The following VPS13B variants were observed in gnomAD, a reference collection of about 807,000 sequenced individuals.
The protein encoded by VPS13B is intermembrane lipid transfer protein VPS13B.
A neutral mutation model predicts 426.4 loss-of-function variants in VPS13B; 285 were observed. That is an observed-to-expected ratio of 0.67 (90% CI 0.61 to 0.74). The LOEUF (loss-of-function observed/expected upper bound fraction) is 0.74. Among genes scored for constraint, VPS13B ranks in the 30% least tolerant of loss-of-function variants. The probability of loss-of-function intolerance (pLI) is 0.00; values close to 1 mark genes in which losing one functional copy is unlikely to be tolerated. For missense variants in VPS13B, 4,537 were observed against 4,782.6 expected (o/e 0.95, Z 1.51); for synonymous variants, 1,676 against 1,676.4 (o/e 1.00, Z 0.01).
At chr8:99,590,368 C>T (rs897355374) in intron 33 of VPS13B, among the ~76,000 whole-genome samples, 15 of 151,978 alleles carry the variant, frequency 9.9e-5, no homozygotes, top group Admixed American at 5.2e-4. Flanking sequence ...TGTTTCTTGC[C>T]TTCTGGTAGC....
chr8:99,268,675 A>C (rs1588192099), intron 17 of VPS13B, among the ~76,000 whole-genome samples: 1 of 151,968 alleles, frequency 6.6e-6, no homozygotes, highest in Non-Finnish European at 1.5e-5. Flanking sequence ...AGGCAGGAGG[A>C]ACTTGCTTTG....
At chr8:99,794,206 C>T (rs889175311) in intron 43 of VPS13B, among the ~76,000 whole-genome samples, 2 of 152,090 alleles carry the variant, frequency 1.3e-5, no homozygotes, top group East Asian at 1.9e-4. Context: ...TAAGCAAATT[C>T]GATGTAAGAG....
intron 19 of VPS13B, among the ~76,000 whole-genome samples, chr8:99,368,558 TTC>T (rs1393453011): frequency 6.6e-6 from 1 of 152,192 alleles, no homozygotes; most frequent in Non-Finnish European, 1.5e-5. Context: ...AGAATATTAT[TTC>T]TGTCTCTAAA....
At chr8:99,177,569 T>C (rs1812704737) in intron 16 of VPS13B, among the ~76,000 whole-genome samples, 1 of 151,644 alleles carries the variant, frequency 6.6e-6, no homozygotes, top group South Asian at 2.1e-4. Context: ...AGCAAGAGAG[T>C]GTTGGTCCAA....
chr8:99,154,187 G>A (rs1240803993), intron 14 of VPS13B, among the ~76,000 whole-genome samples: 1 of 147,832 alleles, frequency 6.8e-6, no homozygotes, highest in Non-Finnish European at 1.5e-5. Context: ...TATCCTGCTT[G>A]GTGTTCTCTG....
At chr8:99,659,050 A>T (rs1830124634) in intron 34 of VPS13B, among the ~76,000 whole-genome samples, 1 of 152,110 alleles carries the variant, frequency 6.6e-6, no homozygotes, top group Admixed American at 6.5e-5. Flanking sequence ...ACCCAGGCTG[A>T]TCTCAAACTC....
Position 99,641,971 on chromosome 8 carries a change from T to C in VPS13B, c.5381T>C (p.Ile1794Thr). Residue 1794 changes from isoleucine to threonine, a missense_variant, in exon 34 of 62, where the codon ATT (isoleucine) becomes ACT (threonine). By Grantham distance (89) the Ile-to-Thr change is moderately conservative. Coordinates refer to ENST00000357162, the MANE Select transcript of VPS13B (RefSeq NM_152564.5). ...CACAGTGGTGCCAGTCAGCATCGCA[T>C]TGCCCGTCCCTCACGCCAGTCATCA... Reference protein sequence around the residue: ...EQHSGASQHRIARPSRQSSIV... With the variant: ...EQHSGASQHRTARPSRQSSIV... 3.7e-6 allele frequency: 6 copies of C among 1,614,154 alleles called. No homozygotes were observed. Among genetic ancestry groups the C allele is most frequent in the South Asian group, 1.1e-5 (1 of 91,080 alleles).
chr8:99,520,029 C>T (rs1218725941), intron 29 of VPS13B, among the ~76,000 whole-genome samples: 1 of 152,042 alleles, frequency 6.6e-6, no homozygotes, highest in East Asian at 1.9e-4. Context: ...ACATTGAATT[C>T]ACTGTTGAGT....
intron 17 of VPS13B, among the ~76,000 whole-genome samples, chr8:99,214,605 T>C (rs531544943): frequency 1.1e-4 from 16 of 152,194 alleles, no homozygotes; most frequent in Non-Finnish European, 1.8e-4. Flanking sequence ...TTATATTAAT[T>C]GATACTTTTT....
chr8:99,151,477 A>T (rs1177717212), intron 14 of VPS13B, among the ~76,000 whole-genome samples: 1 of 151,852 alleles, frequency 6.6e-6, no homozygotes, highest in Non-Finnish European at 1.5e-5. Flanking sequence ...ATCCTTTACG[A>T]ATTGGTCCAT....
At chr8:99,756,678 C>A (rs372905697) in intron 39 of VPS13B, among the ~76,000 whole-genome samples, 4 of 152,276 alleles carry the variant, frequency 2.6e-5, no homozygotes, top group African/African-American at 9.6e-5. Context: ...AGTGAGATGA[C>A]ATATTCAAAG....
At chr8:99,016,576 T>C (rs1841627923) in intron 2 of VPS13B, among the ~76,000 whole-genome samples, 1 of 149,686 alleles carries the variant, frequency 6.7e-6, no homozygotes, top group Non-Finnish European at 1.5e-5. Context: ...CTTATTGATA[T>C]ATAGGAATTC....
At chr8:99,739,044 C>T (rs991815597) in intron 39 of VPS13B, among the ~76,000 whole-genome samples, 14 of 152,314 alleles carry the variant, frequency 9.2e-5, no homozygotes, top group East Asian at 7.7e-4. Flanking sequence ...ACCCAGGAAG[C>T]GCAAGGGGTC....
chr8:99,635,798 T>C (rs1322601170), intron 33 of VPS13B, among the ~76,000 whole-genome samples: 3 of 152,020 alleles, frequency 2.0e-5, no homozygotes. Flanking sequence ...GAAGAACATC[T>C]AATTAATATA....
chr8:99,101,194 C>T (rs868101246), intron 4 of VPS13B, among the ~76,000 whole-genome samples: 4 of 152,138 alleles, frequency 2.6e-5, no homozygotes, highest in African/African-American at 4.8e-5. Context: ...TGCAGTGGCA[C>T]GATCCCGGCT....
rs540573002 is a variant in VPS13B, at chr8:99,206,338, C to T, written c.2515+13281C>T. On this transcript the variant is annotated intron_variant, in intron 17 of 61. Transcript: ENST00000357162. ...AATGTTAAAATAAAAATCTACTTTC[C>T]AGAAAGTAACTGTTAAAGTATTTTA... Among the ~76,000 whole-genome samples, 5 of 152,208 alleles carry T rather than the reference C, an allele frequency of 3.3e-5. No homozygotes were observed. In the East Asian group the frequency reaches 9.6e-4, roughly 29 times the overall value.
intron 16 of VPS13B, among the ~76,000 whole-genome samples, chr8:99,186,518 A>G (rs957898582): frequency 3.3e-5 from 5 of 152,114 alleles, no homozygotes; most frequent in Non-Finnish European, 5.9e-5. Context: ...CCAGTTACAA[A>G]TATTTCAAAA....
intron 33 of VPS13B, among the ~76,000 whole-genome samples, chr8:99,585,747 C>T (rs1826272909): frequency 6.6e-6 from 1 of 152,134 alleles, no homozygotes; most frequent in African/African-American, 2.4e-5. Flanking sequence ...AGACTAGATA[C>T]TTTCCCCCTG....
intron 21 of VPS13B, among the ~76,000 whole-genome samples, chr8:99,404,353 A>G (rs1419950277): frequency 1.3e-5 from 2 of 152,236 alleles, no homozygotes; most frequent in East Asian, 3.8e-4. Flanking sequence ...TAGTCAGAAC[A>G]AGATTATAGT....
Sources: allele counts gnomAD v4.1 joint callset (sites outside exome capture counted in the v4.1 genomes callset), GRCh38; gene constraint gnomAD v4.1.1; transcripts MANE v1.5; gene names NCBI Gene and HGNC (gene_info 2026-07-23, HGNC 2026-07-21).